The following FGF1 variants were observed in gnomAD, a reference collection of about 807,000 sequenced individuals.
FGF1 encodes the protein fibroblast growth factor 1.
A neutral mutation model predicts 13.4 loss-of-function variants in FGF1; 9 were observed. The ratio of observed to expected loss-of-function variants is 0.67; its 90% CI spans 0.40 to 1.17. The LOEUF (loss-of-function observed/expected upper bound fraction) is 1.17. Among genes scored for constraint, FGF1 ranks in the 50% most tolerant of loss-of-function variants. The pLI is 0.01. For missense variants in FGF1, 156 were observed against 192.7 expected (o/e 0.81, Z 1.13); for synonymous variants, 93 against 79.0 (o/e 1.18, Z -0.94).
chr5:142,641,948 A>G lies in FGF1; in HGVS notation c.-34-27787T>C, dbSNP rs1171830568. On this transcript the variant is annotated intron_variant, in intron 1 of 3. Transcript: ENST00000337706. ...TTCGGTTTACAAATGGAATATGTAA[A>G]GAGAATCTTATGAATTTCATGGAGC... 2.6e-5 allele frequency among the ~76,000 whole-genome samples: 4 copies of G among 152,362 alleles called. No homozygotes were observed. In the East Asian group the frequency reaches 7.7e-4, roughly 29 times the overall value.
chr5:142,613,098 G>A (rs1759423756), intron 2 of FGF1, among the ~76,000 whole-genome samples: 1 of 152,156 alleles, frequency 6.6e-6, no homozygotes, highest in African/African-American at 2.4e-5. Context: ...CTCTAAGCAG[G>A]GACTGGATCT....
Position 142,594,264 on chromosome 5 carries a change from A to ACCTT in FGF1, c.*1025_*1026insAAGG, listed in dbSNP as rs1754815549. The ACCTT allele has an allele frequency of 6.6e-6, 1 of 152,228 alleles. No individual in the cohort carries two copies. The highest frequency in any genetic ancestry group is 1.5e-5 in the Non-Finnish European group (1 of 68,102). 9.4% of individuals were successfully genotyped at this position (152,228 alleles called of 1,614,324 possible). A position where few individuals can be genotyped will look rare whatever the true frequency, so the allele number is the denominator to read the frequency against. On this transcript the variant is annotated 3_prime_UTR_variant, in exon 4 of 4. Coordinates refer to ENST00000337706, the MANE Select transcript of FGF1 (RefSeq NM_000800.5). The stretch of plus-strand genomic sequence containing the variant: ...CCTGCACCTGGGGGGGACCTGATGG[A>ACCTT]ACTGCAGAAACTCTGCCCCCAACCC...
At chr5:142,606,282 G>A (rs1251744482) in intron 2 of FGF1, among the ~76,000 whole-genome samples, 1 of 148,840 alleles carries the variant, frequency 6.7e-6, no homozygotes, top group African/African-American at 2.5e-5. Context: ...TCAAAGAAAG[G>A]TAGAATATAA....
chr5:142,690,248 T>C (rs1351850028), upstream of FGF1, among the ~76,000 whole-genome samples: 10 of 150,372 alleles, frequency 6.7e-5, no homozygotes, highest in African/African-American at 9.7e-5. Flanking sequence ...GTGAACCCGG[T>C]GAACCCGGCG....
intron 2 of FGF1, among the ~76,000 whole-genome samples, chr5:142,695,953 C>T (rs1401241438): frequency 6.6e-6 from 1 of 152,124 alleles, no homozygotes; most frequent in Non-Finnish European, 1.5e-5. Context: ...TGGGCCCTCA[C>T]AAGTCAAGAT....
At chr5:142,685,789 G>A (rs1751030720) in intron 1 of FGF1, 168 bp downstream of exon 1, 1 of 152,042 alleles carries the variant, frequency 6.6e-6, no homozygotes. Context: ...TTCACTTGCA[G>A]GAGTCCTGGT....
intron 2 of FGF1, among the ~76,000 whole-genome samples, chr5:142,606,496 G>T (rs1227706211): frequency 6.6e-6 from 1 of 151,788 alleles, no homozygotes; most frequent in Non-Finnish European, 1.5e-5. Context: ...GTTGGTGGGC[G>T]CCTGTAATCC....
intron 2 of FGF1, among the ~76,000 whole-genome samples, chr5:142,611,314 C>A (rs965952024): frequency 4.6e-5 from 7 of 152,158 alleles, no homozygotes; most frequent in African/African-American, 1.7e-4. Flanking sequence ...ACCTGCAGAA[C>A]CCTAGTAAAT....
At position 142,595,437 on chromosome 5, in the gene FGF1, G is replaced by A; in HGVS notation, c.321C>T (p.Asn107=). 1 of 1,613,910 alleles carries A rather than the reference G, an allele frequency of 6.2e-7. No homozygotes were observed. The highest frequency in any genetic ancestry group is 1.1e-5 in the South Asian group (1 of 91,056). ...ECLFLERLEE[N]HYNTYISKKH... Reference sequence around the variant, plus strand: ...TCTTGGATATATAGGTGTTGTAATGGTTCTCCTCCAGCCTTTCCAGGAACA... The same window carrying A: ...TCTTGGATATATAGGTGTTGTAATGATTCTCCTCCAGCCTTTCCAGGAACA... The change falls in exon 4 of 4, where the codon AAC becomes AAT. Residue 107 remains asparagine (N), a synonymous_variant. Transcript: ENST00000337706.
intron 3 of FGF1, among the ~76,000 whole-genome samples, chr5:142,598,687 A>G (rs1028998575): frequency 1.3e-5 from 2 of 152,234 alleles, no homozygotes; most frequent in Non-Finnish European, 2.9e-5. Flanking sequence ...TATGAAGAGC[A>G]TGAAGCAGAG....
chr5:142,667,632 C>T (rs937664684), intron 1 of FGF1, among the ~76,000 whole-genome samples: 1 of 151,890 alleles, frequency 6.6e-6, no homozygotes, highest in African/African-American at 2.4e-5. Flanking sequence ...GAAAAATCGC[C>T]GGCTTTTAGT....
At chr5:142,681,047 GA>G (rs1180957107) in intron 1 of FGF1, among the ~76,000 whole-genome samples, 3 of 152,174 alleles carry the variant, frequency 2.0e-5, no homozygotes, top group Non-Finnish European at 4.4e-5. Flanking sequence ...GAGCAGAGAT[GA>G]GTCATGTCCA....
intron 1 of FGF1, among the ~76,000 whole-genome samples, chr5:142,624,717 C>T (rs376001166): frequency 1.1e-3 from 173 of 152,324 alleles, no homozygotes; most frequent in African/African-American, 4.1e-3. Flanking sequence ...AACTTCTACT[C>T]AGTGCCTGCC....
At position 142,666,906 on chromosome 5, in the gene FGF1, A is replaced by C. The variant is rs372285440; in HGVS notation, c.-35+19051T>G. Among the ~76,000 whole-genome samples the C allele has an allele frequency of 2.6e-5, 4 of 151,906 alleles. No homozygotes were observed. In the East Asian group the frequency reaches 7.7e-4, roughly 29 times the overall value. ...GAGCTGTGATAGTGCCACTGCAGTG[A>C]GGCCTTGTCTCAAAAAACAAAAACA... On this transcript the variant is annotated intron_variant, in intron 1 of 3. Coordinates refer to ENST00000337706, the MANE Select transcript of FGF1 (RefSeq NM_000800.5).
At chr5:142,677,304 T>A (rs1772805026) in intron 1 of FGF1, among the ~76,000 whole-genome samples, 1 of 152,226 alleles carries the variant, frequency 6.6e-6, no homozygotes, top group Non-Finnish European at 1.5e-5. Context: ...AGAGATGAGC[T>A]ACATTGTCTG....
chr5:142,603,282 A>T (rs950015986), intron 2 of FGF1, among the ~76,000 whole-genome samples: 2 of 152,076 alleles, frequency 1.3e-5, no homozygotes, highest in Admixed American at 1.3e-4. Context: ...AGATATTCAC[A>T]AGGTCCTTCT....
intron 1 of FGF1, among the ~76,000 whole-genome samples, chr5:142,629,862 ATATATACATATATAT>A (rs1763044895): frequency 7.0e-6 from 1 of 142,186 alleles, no homozygotes; most frequent in Non-Finnish European, 1.5e-5. Flanking sequence ...ATATGATATT[ATATATACATATATAT>A]TATATATATA....
intron 1 of FGF1, among the ~76,000 whole-genome samples, chr5:142,670,493 T>C (rs1044301660): frequency 6.6e-6 from 1 of 152,226 alleles, no homozygotes; most frequent in African/African-American, 2.4e-5. Flanking sequence ...GTGTGGTGCT[T>C]TGCCTAGTCA....
intron 2 of FGF1, among the ~76,000 whole-genome samples, chr5:142,611,414 T>A (rs1759015684): frequency 1.3e-5 from 2 of 152,202 alleles, no homozygotes; most frequent in African/African-American, 4.8e-5. Flanking sequence ...ACTAAATGAT[T>A]TTCCTGAAAA....
Sources: gnomAD v4.1 joint callset for allele counts (sites outside exome capture counted in the v4.1 genomes callset) on GRCh38, gnomAD v4.1.1 for gene constraint, MANE v1.5 for transcripts, NCBI Gene and HGNC (gene_info 2026-07-23, HGNC 2026-07-21) for gene names.